PTPRQ: variants seen among roughly 807,000 people sequenced by gnomAD.
PTPRQ encodes the protein phosphatidylinositol phosphatase PTPRQ.
A neutral mutation model predicts 246.0 loss-of-function variants in PTPRQ; 199 were observed. That is an observed-to-expected ratio of 0.81 (90% CI 0.72 to 0.91). PTPRQ has a LOEUF of 0.91. PTPRQ is among the 40% of genes least tolerant of loss of function. The probability of loss-of-function intolerance (pLI) is 0.00; values close to 1 mark genes in which losing one functional copy is unlikely to be tolerated. For synonymous variants in PTPRQ, 869 were observed against 853.2 expected (o/e 1.02, Z -0.32); for missense variants, 2,624 against 2,528.4 (o/e 1.04, Z -0.81).
intron 9 of PTPRQ, among the ~76,000 whole-genome samples, chr12:80,485,060 T>C (rs79792821): frequency 6.8e-6 from 1 of 146,494 alleles, no homozygotes; most frequent in Non-Finnish European, 1.5e-5. Flanking sequence ...AAGCTGCCTC[T>C]TTTTTTTTTT....
chr12:80,480,600 G>A (rs1183492603), intron 8 of PTPRQ, among the ~76,000 whole-genome samples: 3 of 150,320 alleles, frequency 2.0e-5, no homozygotes, highest in Admixed American at 1.3e-4. Flanking sequence ...TTTTTTGAAA[G>A]GATCAACAAA....
At chr12:80,450,870 T>C (rs1892740005) in intron 3 of PTPRQ, among the ~76,000 whole-genome samples, 1 of 152,206 alleles carries the variant, frequency 6.6e-6, no homozygotes, top group Admixed American at 6.5e-5. Flanking sequence ...CTGGCTTTGG[T>C]ATCAGGATGA....
intron 26 of PTPRQ, among the ~76,000 whole-genome samples, chr12:80,604,711 A>G (rs541835999): frequency 6.6e-6 from 1 of 151,682 alleles, no homozygotes; most frequent in South Asian, 2.1e-4. Flanking sequence ...TTTTCTTAAA[A>G]CAGCATTGCT....
intron 42 of PTPRQ, among the ~76,000 whole-genome samples, chr12:80,672,351 T>C (rs1445758414): frequency 6.6e-6 from 1 of 151,520 alleles, no homozygotes; most frequent in Non-Finnish European, 1.5e-5. Context: ...TTTTATGTTA[T>C]AGGCTCACAA....
rs543921158 is a variant in PTPRQ at position 80,672,548 on chromosome 12, G to C, written c.6603-621G>C. On this transcript the variant is annotated intron_variant, in intron 42 of 44. Coordinates refer to ENST00000644991, the MANE Select transcript of PTPRQ (RefSeq NM_001145026.2). ...TAGGAATCTTGTCTTTCTGATAATA[G>C]GAATTTCTGACAATAGGAATTTCCG... is the stretch of plus-strand genomic sequence containing the variant. 4.6e-5 allele frequency among the ~76,000 whole-genome samples: 7 copies of C among 151,876 alleles called. No individual in the cohort carries two copies. The East Asian group carries it at 1.4e-3, about 29-fold the overall frequency.
chr12:80,535,076 C>T, intron 19 of PTPRQ, 39 bp downstream of exon 19: 1 of 1,458,754 alleles, frequency 6.9e-7, no homozygotes, highest in Non-Finnish European at 9.0e-7. Flanking sequence ...TATTAACATC[C>T]TTAAGTTTTA....
Position 80,669,006 on chromosome 12 carries a change from G to C in PTPRQ, c.6193-1G>C, listed in dbSNP as rs985681434. On this transcript the variant is annotated splice_acceptor_variant, in intron 39 of 44. Coordinates refer to ENST00000644991, the MANE Select transcript of PTPRQ (RefSeq NM_001145026.2). LOFTEE classifies it high-confidence loss of function. ...CAGTGTTTGTAATTATATCCTTCTA[G>C]GGTTATTTATGTCCAAATGAATTTA... The C allele has an allele frequency of 6.5e-7, 1 of 1,548,440 alleles. No homozygotes were observed. Among genetic ancestry groups the C allele is most frequent in the East Asian group, 2.5e-5 (1 of 40,812 alleles).
intron 36 of PTPRQ, 71 bp from the exon 37 acceptor site, chr12:80,649,517 G>A: frequency 2.0e-6 from 3 of 1,496,728 alleles, no homozygotes; most frequent in Non-Finnish European, 2.7e-6. Context: ...TAAAAGTGAA[G>A]CCAGTGCCAA....
At chr12:80,517,873 G>T (rs1010268526) in intron 17 of PTPRQ, among the ~76,000 whole-genome samples, 3 of 151,844 alleles carry the variant, frequency 2.0e-5, no homozygotes, top group Non-Finnish European at 4.4e-5. Flanking sequence ...TTTCTTTATC[G>T]AGTCAACCAT....
chr12:80,675,562 C>T (rs148637467), intron 43 of PTPRQ, among the ~76,000 whole-genome samples: 1,911 of 152,266 alleles, frequency 0.013, 21 homozygotes, highest in South Asian at 0.026. Context: ...GAGGATGGAA[C>T]TGACGGTTTC....
intron 33 of PTPRQ, among the ~76,000 whole-genome samples, chr12:80,628,036 G>A (rs1592733905): frequency 6.6e-6 from 1 of 151,936 alleles, no homozygotes; most frequent in Non-Finnish European, 1.5e-5. Flanking sequence ...AATTTTTTGT[G>A]TGGTCTATGA....
chr12:80,516,116 C>T (rs1303161966), intron 17 of PTPRQ, among the ~76,000 whole-genome samples: 1 of 152,108 alleles, frequency 6.6e-6, no homozygotes, highest in African/African-American at 2.4e-5. Flanking sequence ...AAATGGATTT[C>T]TATTGGAGCA....
At chr12:80,633,453 A>G (rs1485723988) in intron 34 of PTPRQ, among the ~76,000 whole-genome samples, 1 of 152,186 alleles carries the variant, frequency 6.6e-6, no homozygotes, top group African/African-American at 2.4e-5. Context: ...GCCTCGTTGG[A>G]AATCTTACTT....
rs576463576 is a variant in PTPRQ, at chr12:80,542,815, A to G, written c.3807A>G (p.Pro1269=). 5 of 1,548,742 alleles carry G rather than the reference A, an allele frequency of 3.2e-6. No homozygotes were observed. The South Asian group carries it at 6.0e-5, about 19-fold the overall frequency. ...TGAAATGGAGCCCAAGTCCTCTTCC[A>G]GGTGGTATTGTTAAAGTATATAGTT... ...VWLKWSPSPL[P]GGIVKVYSFK... The change falls in exon 23 of 45, where the codon CCA becomes CCG. Residue 1269 remains proline, a synonymous_variant. Transcript: ENST00000644991.
rs575692708 is a variant in PTPRQ at position 80,475,354 on chromosome 12, G to A, written c.1186+3103G>A. 3.9e-5 allele frequency among the ~76,000 whole-genome samples: 6 copies of A among 152,102 alleles called. No homozygotes were observed. The South Asian group carries it at 1.0e-3, about 26-fold the overall frequency. On this transcript the variant is annotated intron_variant, in intron 8 of 44. Transcript: ENST00000644991. ...TGAAGTTGGAGAAAATGGCATTGGG[G>A]TAAAGAAAATGTGAGATTTTTTTGG...
In PTPRQ at chr12:80,539,949, G is replaced by A. The variant is rs1435264233; in HGVS notation, c.3154+5G>A. Reference sequence around the variant, plus strand: ...AAGTATACACAGATCAAGACAGTATGTAAACAAAAAACACTAATCTTTAAT... The same window carrying A: ...AAGTATACACAGATCAAGACAGTATATAAACAAAAAACACTAATCTTTAAT... On this transcript the variant is annotated splice_donor_5th_base_variant and intron_variant, in intron 20 of 44. Transcript: ENST00000644991. 1 of 1,473,346 alleles carries A rather than the reference G, an allele frequency of 6.8e-7. No homozygotes were observed. Among genetic ancestry groups the A allele is most frequent in the Admixed American group, 2.6e-5 (1 of 37,990 alleles). 91.3% of individuals were successfully genotyped at this position (1,473,346 alleles called of 1,614,324 possible).
At position 80,552,355 on chromosome 12, in the gene PTPRQ, G is replaced by A. The variant is rs76562916; in HGVS notation, c.4285+2621G>A. On this transcript the variant is annotated intron_variant, in intron 25 of 44. Transcript: ENST00000644991. ...ACCAGGTATAATGGTCTTGATCATTGGGCAGGAGCTGAGTCTTTGAGAACT... is the reference window on the plus strand; with the variant it reads ...ACCAGGTATAATGGTCTTGATCATTAGGCAGGAGCTGAGTCTTTGAGAACT... 6.2e-3 allele frequency among the ~76,000 whole-genome samples: 946 copies of A among 151,972 alleles called. 10 individuals carry two copies. Among genetic ancestry groups the A allele is most frequent in the African/African-American group, 0.022 (917 of 41,404 alleles).
At chr12:80,626,038 A>C (rs975302526) in intron 33 of PTPRQ, among the ~76,000 whole-genome samples, 1 of 152,120 alleles carries the variant, frequency 6.6e-6, no homozygotes, top group East Asian at 1.9e-4. Flanking sequence ...TGGCAAAGGC[A>C]CTCTGTGATT....
chr12:80,663,303 G>C (rs967694150), intron 39 of PTPRQ, among the ~76,000 whole-genome samples: 1 of 151,858 alleles, frequency 6.6e-6, no homozygotes, highest in African/African-American at 2.4e-5. Flanking sequence ...ATAATATTTA[G>C]TATACAATAT....
Sources: allele counts gnomAD v4.1 joint callset (sites outside exome capture counted in the v4.1 genomes callset), GRCh38; gene constraint gnomAD v4.1.1; transcripts MANE v1.5; gene names NCBI Gene and HGNC (gene_info 2026-07-23, HGNC 2026-07-21).